The following CDC45 variants were observed in gnomAD, a reference collection of about 807,000 sequenced individuals.
The protein encoded by CDC45 is cell division cycle 45.
In CDC45, 54 loss-of-function variants were observed where a neutral mutation model predicts 77.8. That is an observed-to-expected ratio of 0.69 (90% CI 0.56 to 0.87). The LOEUF (loss-of-function observed/expected upper bound fraction) is 0.87. CDC45 is among the 40% of genes least tolerant of loss of function. The pLI is 0.00. For missense variants in CDC45, 649 were observed against 721.6 expected (o/e 0.90, Z 1.15); for synonymous variants, 260 against 272.1 (o/e 0.96, Z 0.44).
At chr22:19,500,350 G>T (rs1473407060) in intron 9 of CDC45, among the ~76,000 whole-genome samples, 1 of 152,106 alleles carries the variant, frequency 6.6e-6, no homozygotes, top group East Asian at 1.9e-4. Context: ...AGGGCAGGGG[G>T]AGGGGAGAAA....
chr22:19,498,977 C>T, intron 8 of CDC45, 124 bp from the exon 9 acceptor site: 1 of 1,043,708 alleles, frequency 9.6e-7, no homozygotes, highest in Non-Finnish European at 1.5e-6. Flanking sequence ...AGGGTCTGGC[C>T]CCACTGGCAG....
rs1934052676 is a variant in CDC45, at chr22:19,520,561, T to G, written c.*82T>G. 6.6e-6 allele frequency: 1 copy of G among 152,204 alleles called. No individual in the cohort carries two copies. Among genetic ancestry groups the G allele is most frequent in the African/African-American group, 2.4e-5 (1 of 41,450 alleles). The allele number at this position is 152,204 out of a possible 1,614,324, so 9.4% of individuals were successfully genotyped here. A position where few individuals can be genotyped will look rare whatever the true frequency, so the allele number is the denominator to read the frequency against. ...TGTAAGTTATGGACATGATTTGAGA[T>G]GTAGAAGCCATTTTTTATTAAATAA... On this transcript the variant is annotated 3_prime_UTR_variant, in exon 19 of 19. Transcript: ENST00000263201. This position sits in a 1 kb window ranked among gnomAD's most constrained non-coding sequence, Gnocchi z 4.5.
In CDC45 at chr22:19,518,908, G is replaced by T; in HGVS notation, c.1701G>T (p.Ter567TyrextTer13). Residue 567 changes from the stop codon to tyrosine, a stop_lost and splice_region_variant, in exon 18 of 19, where the codon TAG (stop) becomes TAT (tyrosine). Transcript: ENST00000263201. Reference sequence around the variant, plus strand: ...ACGCACTTATTTCCCTCCTGTCCTAGGGTGAGTTACAGGGGTTCTGCAGGG... The same window carrying T: ...ACGCACTTATTTCCCTCCTGTCCTATGGTGAGTTACAGGGGTTCTGCAGGG... The part of the protein sequence containing the change: ...FLDALISLLS[*>Y] 1 of 1,613,500 alleles carries T rather than the reference G, an allele frequency of 6.2e-7. No homozygotes were observed. Among genetic ancestry groups the T allele is most frequent in the Non-Finnish European group, 8.5e-7 (1 of 1,179,476 alleles).
intron 6 of CDC45, chr22:19,494,689 T>G (rs1387094732): frequency 5.5e-6 from 5 of 907,782 alleles, no homozygotes; most frequent in East Asian, 2.6e-5. Flanking sequence ...TACAAATTAT[T>G]TATAAGAAGT....
intron 5 of CDC45, among the ~76,000 whole-genome samples, chr22:19,489,292 A>G (rs765216499): frequency 6.6e-6 from 1 of 152,088 alleles, no homozygotes; most frequent in Non-Finnish European, 1.5e-5. Context: ...CCATTTATGC[A>G]TTCAGAAACT....
In CDC45 at chr22:19,480,260, G is replaced by A. The variant is rs768613260; in HGVS notation, c.111+43G>A. 6.7e-5 allele frequency: 106 copies of A among 1,580,782 alleles called. No homozygotes were observed. The Admixed American group carries it at 8.2e-4, about 12-fold the overall frequency. ...TAGGAGGGCGGGGCCGGCGCGCGAG[G>A]TGAGGGTGCTGCGTGGGGGCGCAGG... On this transcript the variant is annotated intron_variant, in intron 2 of 18. Coordinates refer to ENST00000263201, the MANE Select transcript of CDC45 (RefSeq NM_003504.5).
intron 13 of CDC45, among the ~76,000 whole-genome samples, chr22:19,508,895 T>C (rs1376098354): frequency 6.6e-6 from 1 of 152,230 alleles, no homozygotes; most frequent in South Asian, 2.1e-4. Flanking sequence ...TTCTCTTGAA[T>C]CTTTTTTGGC....
intron 8 of CDC45, among the ~76,000 whole-genome samples, chr22:19,497,817 C>T (rs928340931): frequency 2.6e-5 from 4 of 151,998 alleles, no homozygotes; most frequent in African/African-American, 9.7e-5. Flanking sequence ...AATCCCAGTA[C>T]TTTGGGAGGC....
At chr22:19,497,771 CT>C (rs942914183) in intron 8 of CDC45, among the ~76,000 whole-genome samples, 3 of 152,072 alleles carry the variant, frequency 2.0e-5, no homozygotes, top group Non-Finnish European at 4.4e-5. Context: ...AGGAGGCAGC[CT>C]TTGCAGTGGC....
intron 5 of CDC45, among the ~76,000 whole-genome samples, chr22:19,484,228 T>C (rs1010743598): frequency 6.6e-6 from 1 of 152,190 alleles, no homozygotes; most frequent in African/African-American, 2.4e-5. Flanking sequence ...TAGGATCCTG[T>C]CAGAAGAAAT....
Position 19,507,424 on chromosome 22 carries a change from A to C in CDC45, c.863A>C (p.Asp288Ala), listed in dbSNP as rs942296677. The change falls in exon 11 of 19, where the codon GAC becomes GCC. Residue 288 changes from aspartate (D) to alanine (A), a missense_variant. Coordinates refer to ENST00000263201, the MANE Select transcript of CDC45 (RefSeq NM_003504.5). ...LVLYQHWSLH[D>A]SLCNTSYTAA... Reference sequence around the variant, plus strand: ...CTCTACCAGCACTGGTCCCTCCATGACAGCCTGTGCAACACCAGCTATACC... The same window carrying C: ...CTCTACCAGCACTGGTCCCTCCATGCCAGCCTGTGCAACACCAGCTATACC... 5 of 1,614,114 alleles carry C rather than the reference A, an allele frequency of 3.1e-6. No homozygotes were observed. The South Asian group carries it at 5.5e-5, about 18-fold the overall frequency.
intron 13 of CDC45, 27 bp downstream of exon 13, chr22:19,508,718 C>T (rs1933349518): frequency 6.2e-7 from 1 of 1,608,828 alleles, no homozygotes; most frequent in African/African-American, 1.3e-5. Context: ...GGGTTTGCCT[C>T]ATGGGGCCAC....
intron 6 of CDC45, 52 bp downstream of exon 6, chr22:19,494,434 G>T: frequency 1.2e-6 from 2 of 1,602,384 alleles, no homozygotes; most frequent in Non-Finnish European, 1.7e-6. Flanking sequence ...CTTGCCTGGG[G>T]GTCTGTGGTG....
At chr22:19,501,106 G>A (rs952344598) in intron 9 of CDC45, among the ~76,000 whole-genome samples, 1 of 152,222 alleles carries the variant, frequency 6.6e-6, no homozygotes, top group Admixed American at 6.5e-5. Flanking sequence ...CTTGAACCCA[G>A]GAGGCGGAGG....
intron 5 of CDC45, among the ~76,000 whole-genome samples, chr22:19,488,600 T>C (rs1036330252): frequency 1.3e-4 from 20 of 152,230 alleles, no homozygotes; most frequent in African/African-American, 7.2e-5. Flanking sequence ...GACCCCACCA[T>C]GCATTGTGGC....
At chr22:19,513,896 G>T (rs1277439547) in intron 13 of CDC45, among the ~76,000 whole-genome samples, 1 of 151,984 alleles carries the variant, frequency 6.6e-6, no homozygotes, top group African/African-American at 2.4e-5. Flanking sequence ...CCATAGCTTT[G>T]TCTTGTTATC....
At chr22:19,518,650 T>G (rs1483168339) in intron 17 of CDC45, among the ~76,000 whole-genome samples, 194 bp from the exon 18 acceptor site, 1 of 152,144 alleles carries the variant, frequency 6.6e-6, no homozygotes, top group East Asian at 1.9e-4. Context: ...CTGACCTCTC[T>G]AGCAGTGCAG....
chr22:19,498,090 C>T (rs1447085386), intron 8 of CDC45, among the ~76,000 whole-genome samples: 3 of 152,106 alleles, frequency 2.0e-5, no homozygotes, highest in Non-Finnish European at 2.9e-5. Context: ...AGGAGAATCG[C>T]TTGAATCCGG....
At chr22:19,494,441 G>T in intron 6 of CDC45, 59 bp downstream of exon 6, 1 of 1,600,682 alleles carries the variant, frequency 6.2e-7, no homozygotes, top group African/African-American at 1.3e-5. Context: ...GGGGGTCTGT[G>T]GTGCCACCCA....
Sources: gnomAD v4.1 joint callset for allele counts (sites outside exome capture counted in the v4.1 genomes callset) on GRCh38, gnomAD v4.1.1 for gene constraint, Gnocchi (gnomAD v3.1) non-coding constraint, MANE v1.5 for transcripts, NCBI Gene and HGNC (gene_info 2026-07-23, HGNC 2026-07-21) for gene names.